CUX1: variants seen among roughly 807,000 people sequenced by gnomAD.
CUX1 encodes cut like homeobox 1.
Under a neutral mutation model 158.8 loss-of-function variants are expected in CUX1, and 31 were observed. That is an observed-to-expected ratio of 0.20 (90% CI 0.15 to 0.26). The LOEUF (loss-of-function observed/expected upper bound fraction) is 0.26, where lower values mean the gene tolerates loss of function less well. Ranked by LOEUF, CUX1 falls within the 10% of genes least tolerant of loss-of-function variation. The probability of loss-of-function intolerance (pLI) is 1.00; values close to 1 mark genes in which losing one functional copy is unlikely to be tolerated. For missense variants in CUX1, 1,589 were observed against 2,014.6 expected, an observed-to-expected ratio of 0.79 and a Z score of 4.04; for synonymous variants, 879 against 862.1, an observed-to-expected ratio of 1.02 and a Z score of -0.34.
At chr7:102,217,456 G>A (rs1391427852) in intron 20 of CUX1, among the ~76,000 whole-genome samples, 1 of 152,218 alleles carries the variant, frequency 6.6e-6, no homozygotes, top group African/African-American at 2.4e-5. Context: ...CTTCCTCCTC[G>A]TGCATTTCAG....
intron 1 of CUX1, among the ~76,000 whole-genome samples, chr7:101,894,257 C>T (rs532262420): frequency 1.2e-3 from 178 of 152,350 alleles, no homozygotes; most frequent in Non-Finnish European, 1.9e-3. Flanking sequence ...CAAGGTCTGA[C>T]CAGAATTTCA....
At chr7:102,247,128 A>G (rs1448549262) in intron 23 of CUX1, among the ~76,000 whole-genome samples, 1 of 151,826 alleles carries the variant, frequency 6.6e-6, no homozygotes, top group African/African-American at 2.4e-5. Context: ...TGGGAGGTGG[A>G]GGTTGCAGGG....
chr7:101,839,823 G>A (rs900169460), intron 1 of CUX1, among the ~76,000 whole-genome samples: 4 of 152,046 alleles, frequency 2.6e-5, no homozygotes, highest in East Asian at 1.9e-4. Context: ...GTACAATGGC[G>A]CGGTCTTGGC....
intron 8 of CUX1, among the ~76,000 whole-genome samples, chr7:102,123,955 G>T (rs782150044): frequency 6.6e-6 from 1 of 152,050 alleles, no homozygotes; most frequent in East Asian, 1.9e-4. Context: ...GAGCCACCGC[G>T]CCTGGCCAAT....
At chr7:102,100,801 TAAAAAAAGAAAA>T (rs1829689827) in intron 5 of CUX1, among the ~76,000 whole-genome samples, 1 of 92,954 alleles carries the variant, frequency 1.1e-5, no homozygotes, top group South Asian at 3.0e-4. Flanking sequence ...ACCTATCTCT[TAAAAAAAGAAAA>T]AAAAAAAGAT....
At position 102,216,600 on chromosome 7, in the gene CUX1, ACACACACACACACACTCCC is replaced by A. The variant is rs1563425235; in HGVS notation, c.3131-10755_3131-10737del. 3.2e-3 allele frequency among the ~76,000 whole-genome samples: 30 copies of A among 9,292 alleles called. 1 individual carries two copies. The highest frequency in any genetic ancestry group is 0.12 in the Middle Eastern group (2 of 16). The allele number at this position is 9,292 out of a possible 152,430, so 6.1% of individuals were successfully genotyped here. On this transcript the variant is annotated intron_variant, in intron 20 of 23. Transcript: ENST00000292535. ...CACACTCTCCCACACACACACTCCC[ACACACACACACACACTCCC>A]CACACACACACCCCCACACACGCAC... is the stretch of plus-strand genomic sequence containing the variant.
chr7:102,049,175 A>G (rs1823190906), intron 3 of CUX1, among the ~76,000 whole-genome samples: 2 of 152,222 alleles, frequency 1.3e-5, no homozygotes, highest in South Asian at 2.1e-4. Flanking sequence ...TGGTTCACTG[A>G]TAGTAAGAAA....
At chr7:102,199,805 C>T (rs1554519159) in intron 16 of CUX1, among the ~76,000 whole-genome samples, 1 of 152,162 alleles carries the variant, frequency 6.6e-6, no homozygotes, top group African/African-American at 2.4e-5. Flanking sequence ...ATTAAATGAT[C>T]GGTTCTCCCG....
At chr7:101,858,647 T>C (rs1168327707) in intron 1 of CUX1, among the ~76,000 whole-genome samples, 1 of 150,786 alleles carries the variant, frequency 6.6e-6, no homozygotes, top group African/African-American at 2.4e-5. Context: ...CTTTGGCCCT[T>C]AGAATGCGAA....
chr7:102,155,888 G>A lies in CUX1; in HGVS notation c.675-2672G>A, dbSNP rs116671933. On this transcript the variant is annotated intron_variant, in intron 8 of 23. Transcript: ENST00000292535. ...CCTGCACCCAGCACTGTATTGCAGA[G>A]GCCCAGTTTGGGTATTTATCTTACA... Among the ~76,000 whole-genome samples the A allele has an allele frequency of 9.7e-3, 1,473 of 152,268 alleles. 35 individuals are homozygous for A. Among genetic ancestry groups the A allele is most frequent in the African/African-American group, 0.034 (1,396 of 41,562 alleles).
chr7:102,257,120 G>C lies in CUX1; in HGVS notation c.*8078G>C, dbSNP rs1789979434. On this transcript the variant is annotated 3_prime_UTR_variant, in exon 24 of 24. Transcript: ENST00000292535. ...GTGAGGCGCCCTGCCTTGATCCCATGGGCCCAGCAGAAGGAAACTTACCCC... is the reference window on the plus strand; with the variant it reads ...GTGAGGCGCCCTGCCTTGATCCCATCGGCCCAGCAGAAGGAAACTTACCCC... The C allele has an allele frequency of 1.0e-6, 1 of 985,216 alleles. No individual in the cohort carries two copies. Among genetic ancestry groups the C allele is most frequent in the Non-Finnish European group, 1.2e-6 (1 of 829,938 alleles). The allele number at this position is 985,216 out of a possible 1,614,324, so 61.0% of individuals were successfully genotyped here. A position where few individuals can be genotyped will look rare whatever the true frequency, so the allele number is the denominator to read the frequency against.
intron 2 of CUX1, among the ~76,000 whole-genome samples, chr7:101,929,893 G>C (rs1219149449): frequency 6.6e-6 from 1 of 152,154 alleles, no homozygotes; most frequent in Non-Finnish European, 1.5e-5. Flanking sequence ...CCAGGCTGGA[G>C]TACAGTGGCC....
chr7:102,250,821 TTTTC>T lies in CUX1; in HGVS notation c.*1782_*1785del. The T allele has an allele frequency of 1.0e-6, 1 of 985,124 alleles. No homozygotes were observed. The highest frequency in any genetic ancestry group is 1.2e-6 in the Non-Finnish European group (1 of 829,766). 61.0% of individuals were successfully genotyped at this position (985,124 alleles called of 1,614,324 possible). A position where few individuals can be genotyped will look rare whatever the true frequency, so the allele number is the denominator to read the frequency against. Reference sequence around the variant, plus strand: ...GTGTGCAATTTTATACGTCTGTGTATTTTCTTAAGTACCTGTGCACACGTAGAGT... The same window carrying T: ...GTGTGCAATTTTATACGTCTGTGTATTTAAGTACCTGTGCACACGTAGAGT... On this transcript the variant is annotated 3_prime_UTR_variant, in exon 24 of 24. Coordinates refer to ENST00000292535, the MANE Select transcript of CUX1 (RefSeq NM_181552.4).
At chr7:102,009,899 T>A (rs1473443240) in intron 2 of CUX1, among the ~76,000 whole-genome samples, 1 of 152,214 alleles carries the variant, frequency 6.6e-6, no homozygotes, top group Non-Finnish European at 1.5e-5. Context: ...TCAGTGAGCC[T>A]TCGTGACTGG....
Position 102,230,322 on chromosome 7 carries a change from A to T in CUX1, c.3433+2653A>T, listed in dbSNP as rs184800567. On this transcript the variant is annotated intron_variant, in intron 21 of 23. Coordinates refer to ENST00000292535, the MANE Select transcript of CUX1 (RefSeq NM_181552.4). The stretch of plus-strand genomic sequence containing the variant: ...GAGACCCCGTCTCTACAAAAAAAAA[A>T]TTTTTTAAAAATTATTATCCAGGCA... Among the ~76,000 whole-genome samples the T allele has an allele frequency of 8.1e-3, 1,234 of 151,574 alleles. 4 individuals are homozygous for T. Among genetic ancestry groups the T allele is most frequent in the African/African-American group, 0.019 (777 of 41,274 alleles).
At chr7:102,277,922 C>A in intron 17 of CUX1, 2 of 940,408 alleles carry the variant, frequency 2.1e-6, no homozygotes, top group South Asian at 1.6e-5. Context: ...CTCTCCCCCA[C>A]CCCTTTCCTT....
At chr7:102,145,429 C>T (rs958339163) in intron 8 of CUX1, among the ~76,000 whole-genome samples, 9 of 147,600 alleles carry the variant, frequency 6.1e-5, no homozygotes, top group Non-Finnish European at 1.2e-4. Context: ...GATGATCTCG[C>T]GATGGTGTCA....
chr7:102,207,573 T>C (rs1248288952), intron 20 of CUX1, among the ~76,000 whole-genome samples: 1 of 151,998 alleles, frequency 6.6e-6, no homozygotes, highest in African/African-American at 2.4e-5. Flanking sequence ...TGCCTCAGCC[T>C]CCTGAGTAGC....
At chr7:101,943,078 C>CTTTTTTTTTTTTT (rs58332486) in intron 2 of CUX1, among the ~76,000 whole-genome samples, 3 of 80,332 alleles carry the variant, frequency 3.7e-5, no homozygotes, top group South Asian at 5.0e-4. Flanking sequence ...CTGGTCAGTG[C>CTTTTTTTTTTTTT]TTTTTTTTTT....
Sources: allele counts gnomAD v4.1 joint callset (sites outside exome capture counted in the v4.1 genomes callset), GRCh38; gene constraint gnomAD v4.1.1; transcripts MANE v1.5; gene names NCBI Gene and HGNC (gene_info 2026-07-23, HGNC 2026-07-21).